The following PKD2 variants were observed in gnomAD, a reference collection of about 807,000 sequenced individuals.
PKD2 encodes polycystin-2.
PKD2 carries 48 observed loss-of-function variants against 105.9 expected under a neutral mutation model. The ratio of observed to expected loss-of-function variants is 0.45; its 90% CI spans 0.36 to 0.58. PKD2 has a LOEUF of 0.58. Ranked by LOEUF, PKD2 falls within the 20% of genes least tolerant of loss-of-function variation. The probability of loss-of-function intolerance (pLI) is 0.00; values close to 1 mark genes in which losing one functional copy is unlikely to be tolerated. For missense variants in PKD2, 1,078 were observed against 1,255.3 expected, an observed-to-expected ratio of 0.86 and a Z score of 2.13; for synonymous variants, 464 against 481.1, an observed-to-expected ratio of 0.96 and a Z score of 0.46.
chr4:88,026,496 G>A (rs1726962096), intron 2 of PKD2, among the ~76,000 whole-genome samples: 1 of 152,174 alleles, frequency 6.6e-6, no homozygotes, highest in South Asian at 2.1e-4. Flanking sequence ...GTTTGAAATT[G>A]GAACTTATGT....
Position 88,046,682 on chromosome 4 carries a change from T to C in PKD2, c.1360T>C (p.Ser454Pro). 6.2e-7 allele frequency: 1 copy of C among 1,613,586 alleles called. No individual in the cohort carries two copies. The highest frequency in any genetic ancestry group is 8.5e-7 in the Non-Finnish European group (1 of 1,179,468). ...EFPATGGVIPSWQFQPLKLIR... is the reference protein window; with the variant it reads ...EFPATGGVIPPWQFQPLKLIR... ...CCCAGCAACAGGTGGTGTGATTCCA[T>C]CTTGGCAATTTCAGCCTTTAAAGCT... is the stretch of plus-strand genomic sequence containing the variant. The change falls in exon 6 of 15, where the codon TCT (serine) becomes CCT (proline). Residue 454 changes from serine (S) to proline (P), a missense_variant. By Grantham distance (74) the Ser-to-Pro change is moderately conservative. Transcript: ENST00000237596.
At chr4:88,036,182 T>C (rs1330795309) in intron 2 of PKD2, 38 bp from the exon 3 acceptor site, 1 of 1,613,720 alleles carries the variant, frequency 6.2e-7, no homozygotes, top group Admixed American at 1.7e-5. Context: ...GTGTGCCGGT[T>C]CCCTTGGGGC....
chr4:88,054,756 G>C (rs889525614), intron 7 of PKD2, among the ~76,000 whole-genome samples: 1 of 147,170 alleles, frequency 6.8e-6, no homozygotes, highest in Non-Finnish European at 1.5e-5. Flanking sequence ...CTGGGTTCAC[G>C]CCATTCTCCT....
chr4:88,045,868 A>C (rs1316457850), intron 5 of PKD2, among the ~76,000 whole-genome samples: 1 of 152,150 alleles, frequency 6.6e-6, no homozygotes, highest in Non-Finnish European at 1.5e-5. Context: ...TGAATGAATG[A>C]CTCAGTTCCT....
At chr4:88,022,931 A>G (rs1345307281) in intron 2 of PKD2, among the ~76,000 whole-genome samples, 2 of 151,998 alleles carry the variant, frequency 1.3e-5, no homozygotes, top group Non-Finnish European at 2.9e-5. Flanking sequence ...AAATACAAAA[A>G]TTATCTGGGC....
Position 88,017,306 on chromosome 4 carries a change from A to G in PKD2, c.596-2152A>G, listed in dbSNP as rs377327243. Among the ~76,000 whole-genome samples, 34 of 152,266 alleles carry G rather than the reference A, an allele frequency of 2.2e-4. No individual in the cohort carries two copies. In the South Asian group the frequency reaches 6.6e-3, roughly 30 times the overall value. On this transcript the variant is annotated intron_variant, in intron 1 of 14. Transcript: ENST00000237596. ...AATAAATTCATACATACATACATAC[A>G]TACGTACATACATACATACATAAGA...
chr4:88,070,873 G>C (rs1387383514), intron 13 of PKD2, among the ~76,000 whole-genome samples: 2 of 151,880 alleles, frequency 1.3e-5, no homozygotes, highest in Admixed American at 1.3e-4. Flanking sequence ...GGCCTCAAGT[G>C]ATCCTTCCGC....
At chr4:88,069,930 T>G (rs1489461682) in intron 13 of PKD2, among the ~76,000 whole-genome samples, 1 of 152,164 alleles carries the variant, frequency 6.6e-6, no homozygotes, top group Non-Finnish European at 1.5e-5. Flanking sequence ...CACAACTGCT[T>G]TTTAAATCAG....
intron 2 of PKD2, among the ~76,000 whole-genome samples, chr4:88,020,514 A>G (rs1726711704): frequency 6.6e-6 from 1 of 151,948 alleles, no homozygotes; most frequent in African/African-American, 2.4e-5. Context: ...TGTAGGAACC[A>G]TTTGTCTCAA....
chr4:88,024,870 C>T (rs1266115158), intron 2 of PKD2, among the ~76,000 whole-genome samples: 1 of 152,186 alleles, frequency 6.6e-6, no homozygotes, highest in African/African-American at 2.4e-5. Context: ...CACAGTGGCT[C>T]ATGCCTGTAA....
At chr4:88,071,110 C>G (rs1020956809) in intron 13 of PKD2, among the ~76,000 whole-genome samples, 21 of 151,742 alleles carry the variant, frequency 1.4e-4, no homozygotes, top group African/African-American at 5.1e-4. Flanking sequence ...GGCTAGAGTG[C>G]AGTGGCATGA....
chr4:88,074,292 G>A (rs1364813288), intron 13 of PKD2, among the ~76,000 whole-genome samples: 1 of 152,142 alleles, frequency 6.6e-6, no homozygotes, highest in Non-Finnish European at 1.5e-5. Flanking sequence ...TGGGAGTACA[G>A]GCACATGCCA....
rs376697740 is a variant in PKD2, at chr4:88,043,242, C to T, written c.1104C>T (p.Tyr368=). The T allele has an allele frequency of 4.4e-6, 7 of 1,605,380 alleles. No homozygotes were observed. The highest frequency in any genetic ancestry group is 1.1e-5 in the South Asian group (1 of 90,940). Reference sequence around the variant, plus strand: ...TTTTGTTTTTAATCAGTTGGATCTACACAAGTGAAAAAGACTTGAATGGTA... The same window carrying T: ...TTTTGTTTTTAATCAGTTGGATCTATACAAGTGAAAAAGACTTGAATGGTA... ...FGPRNGTAWI[Y]TSEKDLNGSS... is the part of the protein sequence containing the mutation. The change falls in exon 5 of 15, where the codon TAC becomes TAT. Residue 368 remains tyrosine, a synonymous_variant. Transcript: ENST00000237596.
At chr4:88,028,121 G>A (rs1727022385) in intron 2 of PKD2, among the ~76,000 whole-genome samples, 1 of 152,210 alleles carries the variant, frequency 6.6e-6, no homozygotes, top group Admixed American at 6.5e-5. Context: ...GACAGGAAGA[G>A]CCCTTTTAAG....
intron 13 of PKD2, among the ~76,000 whole-genome samples, chr4:88,068,826 C>T (rs1294666394): frequency 6.6e-6 from 1 of 152,160 alleles, no homozygotes; most frequent in African/African-American, 2.4e-5. Flanking sequence ...GTGGTATTCA[C>T]GTTTGAAAGT....
intron 5 of PKD2, 46 bp downstream of exon 5, chr4:88,043,503 C>T (rs1261984152): frequency 1.5e-6 from 2 of 1,346,036 alleles, no homozygotes; most frequent in Admixed American, 3.4e-5. Context: ...TGTGGTTGTA[C>T]ATACATCCTA....
At position 88,045,331 on chromosome 4, in the gene PKD2, C is replaced by T. The variant is rs942588773; in HGVS notation, c.1320-1311C>T. Among the ~76,000 whole-genome samples, 23 of 152,200 alleles carry T rather than the reference C, an allele frequency of 1.5e-4. 1 individual carries two copies. Among genetic ancestry groups the T allele is most frequent in the Admixed American group, 5.2e-4 (8 of 15,276 alleles). ...TCTCCTGAGTTTTTGATTCTCACCC[C>T]TACTCTCTAACACATCAAATAGGAA... On this transcript the variant is annotated intron_variant, in intron 5 of 14. Coordinates refer to ENST00000237596, the MANE Select transcript of PKD2 (RefSeq NM_000297.4).
In PKD2 at chr4:88,057,971, T is replaced by A. The variant is rs1272123907; in HGVS notation, c.1899-12T>A. 6.3e-7 allele frequency: 1 copy of A among 1,586,498 alleles called. No homozygotes were observed. Among genetic ancestry groups the A allele is most frequent in the Non-Finnish European group, 8.7e-7 (1 of 1,154,884 alleles). ...TGTTTTTGTATTGTGGTGTTTTGTT[T>A]TATTTTTATAGCTTCACTCAATTCC... On this transcript the variant is annotated splice_polypyrimidine_tract_variant and intron_variant, in intron 8 of 14. Coordinates refer to ENST00000237596, the MANE Select transcript of PKD2 (RefSeq NM_000297.4).
chr4:88,071,456 C>G (rs533238173), intron 13 of PKD2, among the ~76,000 whole-genome samples: 23 of 149,752 alleles, frequency 1.5e-4, no homozygotes, highest in Non-Finnish European at 3.3e-4. Flanking sequence ...TCTGCTAAGT[C>G]TGACATCTGG....
Sources: allele counts gnomAD v4.1 joint callset (sites outside exome capture counted in the v4.1 genomes callset), GRCh38; gene constraint gnomAD v4.1.1; transcripts MANE v1.5; gene names NCBI Gene and HGNC (gene_info 2026-07-23, HGNC 2026-07-21).